Variants in EDA observed in about 807,000 individuals in gnomAD.
EDA encodes ectodysplasin A.
Under a neutral mutation model 23.6 loss-of-function variants are expected in EDA, and 2 were observed. That is an observed-to-expected ratio of 0.08 (90% confidence interval 0.03 to 0.27). EDA has a LOEUF of 0.27. EDA is among the 10% of genes least tolerant of loss of function. The pLI is 1.00. For synonymous variants in EDA, 131 were observed against 132.0 expected, an observed-to-expected ratio of 0.99 and a Z score of 0.05; for missense variants, 229 against 324.2, an observed-to-expected ratio of 0.71 and a Z score of 2.26.
chrX:69,730,900 G>A (rs899367600), intron 1 of EDA, among the ~76,000 whole-genome samples: 2 of 112,199 alleles, frequency 1.8e-5, no homozygotes, highest in Non-Finnish European at 3.8e-5. Flanking sequence ...TATGTCAGAC[G>A]TTATCAAATT....
In EDA at chrX:69,879,519, G is replaced by A. The variant is rs753283156; in HGVS notation, c.397-77508G>A. ...AGGAGAGAAAGTTCGCCTTCCCTCA[G>A]TTTTAGGCAACTACAGCATCCCTGC... On this transcript the variant is annotated intron_variant, in intron 1 of 7. Transcript: ENST00000374552. 5.4e-5 allele frequency among the ~76,000 whole-genome samples: 6 copies of A among 111,761 alleles called. No homozygotes were observed. The East Asian group carries it at 1.7e-3, about 32-fold the overall frequency.
At chrX:69,683,534 T>C (rs908108477) in intron 1 of EDA, among the ~76,000 whole-genome samples, 10 of 111,821 alleles carry the variant, frequency 8.9e-5, no homozygotes, top group Non-Finnish European at 1.7e-4. Flanking sequence ...TCTCATTTCT[T>C]TGAATTCCCA....
At chrX:69,820,998 A>C (rs1051625494) in intron 1 of EDA, among the ~76,000 whole-genome samples, 2 of 111,487 alleles carry the variant, frequency 1.8e-5, no homozygotes, top group African/African-American at 3.3e-5. Flanking sequence ...AATGCCCATC[A>C]TTGATAGACT....
intron 1 of EDA, among the ~76,000 whole-genome samples, chrX:69,876,198 G>T (rs764404050): frequency 1.8e-5 from 2 of 111,158 alleles, no homozygotes; most frequent in Admixed American, 1.9e-4. Flanking sequence ...CATGTTTATA[G>T]CAACACAATT....
At chrX:69,758,483 G>A (rs1030791075) in intron 1 of EDA, among the ~76,000 whole-genome samples, 1 of 112,060 alleles carries the variant, frequency 8.9e-6, no homozygotes, top group Non-Finnish European at 1.9e-5. Context: ...GGCTGCCCTG[G>A]GAACATTTAT....
intron 1 of EDA, among the ~76,000 whole-genome samples, chrX:69,694,653 T>C (rs770704596): frequency 1.2e-4 from 14 of 112,121 alleles, no homozygotes; most frequent in African/African-American, 4.5e-4. Flanking sequence ...GAGAGTTCAC[T>C]ACAACGTTGA....
intron 2 of EDA, among the ~76,000 whole-genome samples, chrX:70,021,132 TCCTGAAG>T (rs1023051080): frequency 1.8e-5 from 2 of 112,152 alleles, no homozygotes; most frequent in African/African-American, 6.5e-5. Context: ...CCAGTATAAT[TCCTGAAG>T]CCACTCCCTC....
At chrX:69,893,381 A>G (rs1230003858) in intron 1 of EDA, among the ~76,000 whole-genome samples, 1 of 111,936 alleles carries the variant, frequency 8.9e-6, no homozygotes, top group Non-Finnish European at 1.9e-5. Flanking sequence ...AAGTTAGGAC[A>G]TGAACTTATC....
intron 1 of EDA, among the ~76,000 whole-genome samples, chrX:69,858,089 G>A (rs755494882): frequency 9.8e-5 from 11 of 111,732 alleles, no homozygotes; most frequent in African/African-American, 3.2e-4. Flanking sequence ...CTGTACCCTG[G>A]GACTTTGCCT....
At chrX:69,962,270 A>G in intron 2 of EDA, among the ~76,000 whole-genome samples, 1 of 111,559 alleles carries the variant, frequency 9.0e-6, no homozygotes, top group Non-Finnish European at 1.9e-5. Flanking sequence ...CTTGATTCCA[A>G]TCTTGATGTC....
chrX:69,673,944 A>G (rs1271310873), intron 1 of EDA, among the ~76,000 whole-genome samples: 1 of 111,841 alleles, frequency 8.9e-6, no homozygotes, highest in Non-Finnish European at 1.9e-5. Context: ...GTCTTTGGAC[A>G]TGGTCACATT....
Position 70,035,938 on chromosome X carries a change from A to T in EDA, c.*329A>T, listed in dbSNP as rs761744157. ...TATTGTTTGTTGCACTAAAATGAGG[A>T]TCCAGGGCAGCAGGCCAGAGAAAGC... On this transcript the variant is annotated 3_prime_UTR_variant, in exon 8 of 8. Transcript: ENST00000374552. The T allele has an allele frequency of 3.3e-6, 1 of 300,097 alleles. No homozygotes were observed. The highest frequency in any genetic ancestry group is 5.7e-5 in the Admixed American group (1 of 17,592). 24.7% of individuals were successfully genotyped at this position (300,097 alleles called of 1,213,427 possible).
At chrX:69,817,122 C>G (rs2147510498) in intron 1 of EDA, among the ~76,000 whole-genome samples, 1 of 111,798 alleles carries the variant, frequency 8.9e-6, no homozygotes, top group South Asian at 3.8e-4. Context: ...CCAAAATAAG[C>G]TTCATAAGCG....
intron 1 of EDA, among the ~76,000 whole-genome samples, chrX:69,735,992 C>T (rs184657497): frequency 3.8e-3 from 371 of 97,985 alleles, no homozygotes; most frequent in South Asian, 6.9e-3. Flanking sequence ...GAATCCACCC[C>T]CAGGAAAATC....
At chrX:69,960,856 C>CAAA (rs35976010) in intron 2 of EDA, among the ~76,000 whole-genome samples, 1 of 92,082 alleles carries the variant, frequency 1.1e-5, no homozygotes, top group African/African-American at 4.0e-5. Flanking sequence ...ACCAAAAATA[C>CAAA]AAAAAAAAAA....
intron 1 of EDA, among the ~76,000 whole-genome samples, chrX:69,910,366 AGAGAGAGAGT>A (rs1354094212): frequency 2.4e-5 from 1 of 42,057 alleles, no homozygotes; most frequent in African/African-American, 7.3e-5. Context: ...AGAGAGAGAG[AGAGAGAGAGT>A]GTGTGTGTGT....
chrX:69,903,571 C>T (rs1602522256), intron 1 of EDA, among the ~76,000 whole-genome samples: 1 of 97,868 alleles, frequency 1.0e-5, no homozygotes, highest in Admixed American at 1.1e-4. Flanking sequence ...CCCTACCAGG[C>T]CCCCTCCGCA....
chrX:69,792,205 C>T (rs2015423693), intron 1 of EDA, among the ~76,000 whole-genome samples: 1 of 111,747 alleles, frequency 8.9e-6, no homozygotes, highest in Non-Finnish European at 1.9e-5. Context: ...TAAGTGAGAA[C>T]ATATGATATT....
intron 1 of EDA, among the ~76,000 whole-genome samples, chrX:69,836,985 A>G (rs2016791782): frequency 8.9e-6 from 1 of 112,463 alleles, no homozygotes; most frequent in Admixed American, 9.4e-5. Flanking sequence ...ATCTAGCTGA[A>G]TAAGCTATTC....
Sources: allele counts gnomAD v4.1 joint callset (sites outside exome capture counted in the v4.1 genomes callset), GRCh38; gene constraint gnomAD v4.1.1; transcripts MANE v1.5; gene names NCBI Gene and HGNC (gene_info 2026-07-23, HGNC 2026-07-21).